PTPRD: variants seen among roughly 807,000 people sequenced by gnomAD.
The protein encoded by PTPRD is receptor-type tyrosine-protein phosphatase delta.
Under a neutral mutation model 214.5 loss-of-function variants are expected in PTPRD, and 34 were observed. The ratio of observed to expected loss-of-function variants is 0.16; its 90% CI spans 0.12 to 0.21. The LOEUF (loss-of-function observed/expected upper bound fraction) is 0.21, where lower values mean the gene tolerates loss of function less well. PTPRD is among the 10% of genes least tolerant of loss of function. The pLI, the probability that PTPRD is intolerant of heterozygous loss-of-function variation, is 1.00. For missense variants in PTPRD, 2,545 were observed against 2,398.7 expected, an observed-to-expected ratio of 1.06 and a Z score of -1.27; for synonymous variants, 1,128 against 845.7, an observed-to-expected ratio of 1.33 and a Z score of -5.79.
intron 3 of PTPRD, among the ~76,000 whole-genome samples, chr9:10,314,281 G>C (rs902478666): frequency 6.6e-6 from 1 of 151,940 alleles, no homozygotes; most frequent in East Asian, 1.9e-4. Context: ...CTCCAACCAG[G>C]ACAAGGTTGG....
At chr9:8,466,700 A>G (rs2096550858) in intron 31 of PTPRD, among the ~76,000 whole-genome samples, 1 of 151,884 alleles carries the variant, frequency 6.6e-6, no homozygotes, top group African/African-American at 2.4e-5. Flanking sequence ...ATTTATTTTA[A>G]TATCTATGTA....
chr9:10,000,992 A>G (rs1020565350), intron 4 of PTPRD, among the ~76,000 whole-genome samples: 2 of 152,154 alleles, frequency 1.3e-5, no homozygotes, highest in South Asian at 2.1e-4. Flanking sequence ...CAGCTTCCCA[A>G]TATTACCGAC....
chr9:9,939,027 A>T (rs531730145), intron 4 of PTPRD, among the ~76,000 whole-genome samples: 33 of 146,420 alleles, frequency 2.3e-4, no homozygotes, highest in South Asian at 1.1e-3. Context: ...TTTTTTTTTT[A>T]ACCATGAAAA....
chr9:9,091,064 C>G (rs978526269), intron 10 of PTPRD: 1 of 1,504,290 alleles, frequency 6.6e-7, no homozygotes, highest in Non-Finnish European at 9.1e-7. Context: ...ATTTCTGAAG[C>G]GAGCGTCTTC....
chr9:10,280,609 T>G (rs1380530173), intron 3 of PTPRD, among the ~76,000 whole-genome samples: 2 of 152,052 alleles, frequency 1.3e-5, no homozygotes, highest in African/African-American at 4.8e-5. Flanking sequence ...ACCTCAAATT[T>G]GCATATTTTT....
intron 5 of PTPRD, among the ~76,000 whole-genome samples, chr9:9,899,584 C>G (rs190457400): frequency 6.6e-6 from 1 of 151,894 alleles, no homozygotes; most frequent in African/African-American, 2.4e-5. Context: ...GAAATGAGAG[C>G]TCATATACTC....
intron 6 of PTPRD, among the ~76,000 whole-genome samples, chr9:9,762,783 G>A (rs749052273): frequency 2.6e-5 from 4 of 152,122 alleles, no homozygotes; most frequent in African/African-American, 7.2e-5. Flanking sequence ...AGATTTTTTA[G>A]GTATTATTCA....
chr9:9,790,668 A>C (rs1288981670), intron 5 of PTPRD, among the ~76,000 whole-genome samples: 1 of 152,246 alleles, frequency 6.6e-6, no homozygotes, highest in Non-Finnish European at 1.5e-5. Flanking sequence ...ATGTATATCA[A>C]TAATTATGTT....
intron 6 of PTPRD, among the ~76,000 whole-genome samples, chr9:9,759,987 T>C (rs924557851): frequency 2.6e-5 from 4 of 152,238 alleles, no homozygotes; most frequent in Non-Finnish European, 5.9e-5. Flanking sequence ...TTGTACATTT[T>C]GCTCATGTTA....
intron 9 of PTPRD, among the ~76,000 whole-genome samples, chr9:9,373,444 T>C (rs544277367): frequency 5.3e-4 from 80 of 152,224 alleles, no homozygotes; most frequent in African/African-American, 1.9e-3. Flanking sequence ...CTTAAAGCAA[T>C]AGAAATTACA....
At chr9:9,365,861 C>T (rs900538354) in intron 9 of PTPRD, among the ~76,000 whole-genome samples, 1 of 151,460 alleles carries the variant, frequency 6.6e-6, no homozygotes, top group African/African-American at 2.4e-5. Flanking sequence ...TATTATACAG[C>T]ATTCTTAAAA....
chr9:10,000,941 C>G (rs1164386409), intron 4 of PTPRD, among the ~76,000 whole-genome samples: 2 of 152,174 alleles, frequency 1.3e-5, no homozygotes, highest in Non-Finnish European at 2.9e-5. Flanking sequence ...CCTGGTCAAA[C>G]CAATCCACTG....
intron 10 of PTPRD, among the ~76,000 whole-genome samples, chr9:9,160,720 A>G (rs565192072): frequency 1.3e-5 from 2 of 152,326 alleles, no homozygotes; most frequent in South Asian, 2.1e-4. Flanking sequence ...TTAAAGGGAT[A>G]TCTGCATGCT....
chr9:8,840,666 C>G (rs1764775967), intron 11 of PTPRD, among the ~76,000 whole-genome samples: 1 of 152,142 alleles, frequency 6.6e-6, no homozygotes, highest in East Asian at 1.9e-4. Flanking sequence ...TGTGAACTAC[C>G]ACTGGGGCTT....
intron 39 of PTPRD, among the ~76,000 whole-genome samples, chr9:8,344,307 T>C (rs1390135028): frequency 2.0e-5 from 3 of 152,082 alleles, no homozygotes; most frequent in African/African-American, 7.2e-5. Context: ...ATGGCAGGAC[T>C]ATTTTCTCAA....
intron 11 of PTPRD, among the ~76,000 whole-genome samples, chr9:8,940,858 T>TGAC (rs200583946): frequency 0.28 from 42,266 of 151,580 alleles, 6,566 homozygotes; most frequent in Non-Finnish European, 0.35. Context: ...ATGATGATGA[T>TGAC]GTTCACAAGG....
chr9:8,931,328 T>G (rs1367227892), intron 11 of PTPRD, among the ~76,000 whole-genome samples: 1 of 152,054 alleles, frequency 6.6e-6, no homozygotes, highest in Admixed American at 6.6e-5. Context: ...TATATCTGTG[T>G]TTTGGTACCA....
intron 9 of PTPRD, among the ~76,000 whole-genome samples, chr9:9,369,659 G>T (rs941155325): frequency 1.3e-5 from 2 of 151,968 alleles, no homozygotes; most frequent in African/African-American, 2.4e-5. Context: ...CATTGCTTTT[G>T]GTGTTTTAGA....
At chr9:8,566,198 G>A (rs771522513) in intron 14 of PTPRD, among the ~76,000 whole-genome samples, 2 of 147,300 alleles carry the variant, frequency 1.4e-5, no homozygotes, top group Non-Finnish European at 3.0e-5. Flanking sequence ...AGTTTTTTAA[G>A]CTACTGTTAG....
Sources: allele counts gnomAD v4.1 joint callset (sites outside exome capture counted in the v4.1 genomes callset), GRCh38; gene constraint gnomAD v4.1.1; transcripts MANE v1.5; gene names NCBI Gene and HGNC (gene_info 2026-07-23, HGNC 2026-07-21).